TGM6: variants seen among roughly 807,000 people sequenced by gnomAD.
The protein encoded by TGM6 is transglutaminase 6, also known as protein-glutamine gamma-glutamyltransferase 6.
A neutral mutation model predicts 77.5 loss-of-function variants in TGM6; 74 were observed. That is an observed-to-expected ratio of 0.96 (90% CI 0.79 to 1.16). The LOEUF (loss-of-function observed/expected upper bound fraction) is 1.16, where lower values mean the gene tolerates loss of function less well. Ranked by LOEUF, TGM6 falls within the 50% of genes most tolerant of loss-of-function variation. The pLI, the probability that TGM6 is intolerant of heterozygous loss-of-function variation, is 0.00. For synonymous variants in TGM6, 383 were observed against 378.9 expected (o/e 1.01, Z -0.12); for missense variants, 968 against 940.2 (o/e 1.03, Z -0.39).
intron 1 of TGM6, among the ~76,000 whole-genome samples, chr20:2,386,155 G>A (rs1001101981): frequency 6.6e-6 from 1 of 152,168 alleles, no homozygotes; most frequent in African/African-American, 2.4e-5. Flanking sequence ...CTGTCCCCAT[G>A]AGGACTAAGA....
chr20:2,404,437 C>T (rs1247675288), intron 9 of TGM6, among the ~76,000 whole-genome samples: 1 of 152,240 alleles, frequency 6.6e-6, no homozygotes, highest in African/African-American at 2.4e-5. Flanking sequence ...TATTTTCAAC[C>T]ATTTCTGCTT....
intron 9 of TGM6, among the ~76,000 whole-genome samples, chr20:2,406,845 A>AAAC (rs2084755271): frequency 7.4e-6 from 1 of 134,624 alleles, no homozygotes; most frequent in Admixed American, 7.4e-5. Context: ...AAAAAAAAAA[A>AAAC]AAAAAAAAAA....
At chr20:2,428,542 C>T (rs903273935) in intron 10 of TGM6, among the ~76,000 whole-genome samples, 12 of 151,938 alleles carry the variant, frequency 7.9e-5, no homozygotes, top group Admixed American at 6.6e-5. Context: ...CTTGGAGAAC[C>T]GTGGTCTATC....
chr20:2,382,433 C>T (rs1044573475), intron 1 of TGM6, among the ~76,000 whole-genome samples: 4 of 152,284 alleles, frequency 2.6e-5, no homozygotes, highest in African/African-American at 9.6e-5. Context: ...CCTTTGATAA[C>T]CTATCAGACT....
rs542535334 is a variant in TGM6, at chr20:2,402,463, G to A, written c.990-934G>A. On this transcript the variant is annotated intron_variant, in intron 7 of 12. Transcript: ENST00000202625. ...CTTGCCCTGGAAGCACAAAATACTC[G>A]CATTCTTCTCTTTTCTTCATGCAGA... 7.2e-5 allele frequency among the ~76,000 whole-genome samples: 11 copies of A among 152,110 alleles called. No individual in the cohort carries two copies. The South Asian group carries it at 1.0e-3, about 14-fold the overall frequency.
At chr20:2,383,156 G>T (rs1325592574) in intron 1 of TGM6, among the ~76,000 whole-genome samples, 1 of 152,218 alleles carries the variant, frequency 6.6e-6, no homozygotes, top group Non-Finnish European at 1.5e-5. Flanking sequence ...GAGTTCAGGT[G>T]CTCATGATGC....
chr20:2,410,721 G>A (rs1428879496), intron 9 of TGM6, among the ~76,000 whole-genome samples: 1 of 152,068 alleles, frequency 6.6e-6, no homozygotes, highest in East Asian at 1.9e-4. Flanking sequence ...AGACCCAGTT[G>A]GTGTCCAGAG....
chr20:2,430,979 C>T lies in TGM6; in HGVS notation c.1919C>T (p.Ala640Val), dbSNP rs780503855. The change falls in exon 12 of 13, where the codon GCG (alanine) becomes GTG (valine). Residue 640 changes from alanine to valine, a missense_variant. Physicochemically the swap from Ala to Val is moderately conservative, Grantham distance 64. Transcript: ENST00000202625. Reference protein sequence around the residue: ...NPLIERVKDCALMVEGSGLLQ... With the variant: ...NPLIERVKDCVLMVEGSGLLQ... ...CTCATAGAGAGAGTGAAGGACTGTGCGCTGATGGTGGAGGGCAGCGGCCTT... is the reference window on the plus strand; with the variant it reads ...CTCATAGAGAGAGTGAAGGACTGTGTGCTGATGGTGGAGGGCAGCGGCCTT... 39 of 1,613,954 alleles carry T rather than the reference C, an allele frequency of 2.4e-5. No homozygotes were observed. Among genetic ancestry groups the T allele is most frequent in the South Asian group, 1.4e-4 (13 of 91,088 alleles).
At chr20:2,394,216 C>T (rs764212353) in intron 1 of TGM6, among the ~76,000 whole-genome samples, 2 of 152,128 alleles carry the variant, frequency 1.3e-5, no homozygotes, top group Non-Finnish European at 2.9e-5. Context: ...ATTGCTTGAA[C>T]CTGGGAGGCA....
chr20:2,420,558 A>T (rs1356855752), intron 10 of TGM6, among the ~76,000 whole-genome samples: 1 of 152,220 alleles, frequency 6.6e-6, no homozygotes, highest in Non-Finnish European at 1.5e-5. Context: ...ATGTATAATG[A>T]CATGTATCTA....
chr20:2,416,818 T>A (rs1228269629), intron 9 of TGM6, among the ~76,000 whole-genome samples: 1 of 152,190 alleles, frequency 6.6e-6, no homozygotes, highest in Non-Finnish European at 1.5e-5. Flanking sequence ...CTGGTTCAAG[T>A]CCCAGCTCCC....
intron 1 of TGM6, among the ~76,000 whole-genome samples, chr20:2,387,422 C>G (rs2422764): frequency 0.73 from 110,636 of 152,112 alleles, 40,712 homozygotes; most frequent in African/African-American, 0.8. Context: ...TGGTCCTGCA[C>G]AGTGCTCACT....
At chr20:2,417,842 T>G (rs1387351238) in intron 10 of TGM6, among the ~76,000 whole-genome samples, 1 of 152,180 alleles carries the variant, frequency 6.6e-6, no homozygotes, top group African/African-American at 2.4e-5. Context: ...TTCTATTTTT[T>G]TAATTAGAAT....
chr20:2,419,587 A>T (rs543316177), intron 10 of TGM6, among the ~76,000 whole-genome samples: 1 of 152,214 alleles, frequency 6.6e-6, no homozygotes, highest in African/African-American at 2.4e-5. Flanking sequence ...CAAACTGTTA[A>T]TGTATTTTAC....
chr20:2,381,055 G>A (rs1016864700), intron 1 of TGM6, 80 bp downstream of exon 1: 39 of 1,554,024 alleles, frequency 2.5e-5, no homozygotes, highest in Middle Eastern at 1.7e-4. Flanking sequence ...GTGGGATGAC[G>A]TTTGATCATC....
chr20:2,386,631 A>G (rs1194250174), intron 1 of TGM6, among the ~76,000 whole-genome samples: 1 of 152,130 alleles, frequency 6.6e-6, no homozygotes, highest in Non-Finnish European at 1.5e-5. Flanking sequence ...TCCACCAAGA[A>G]TTCGGCCAAG....
chr20:2,388,818 T>C (rs2084612868), intron 1 of TGM6, among the ~76,000 whole-genome samples: 1 of 152,224 alleles, frequency 6.6e-6, no homozygotes, highest in Non-Finnish European at 1.5e-5. Context: ...CAACAATTAC[T>C]GACATTTCCT....
intron 10 of TGM6, among the ~76,000 whole-genome samples, chr20:2,425,467 A>G (rs1481843079): frequency 6.6e-6 from 1 of 152,214 alleles, no homozygotes; most frequent in East Asian, 1.9e-4. Context: ...AAAAAATGCA[A>G]TATCTGCAAA....
chr20:2,400,402 C>G lies in TGM6; in HGVS notation c.947C>G (p.Ser316Cys). Residue 316 changes from serine (S) to cysteine (C), a missense_variant, in exon 7 of 13, where the codon TCC (serine) becomes TGC (cysteine). Physicochemically the swap from Ser to Cys is moderately radical, Grantham distance 112 (BLOSUM62 -1). Coordinates refer to ENST00000202625, the MANE Select transcript of TGM6 (RefSeq NM_198994.3). The part of the protein sequence containing the change: ...QNLSVDKYVD[S>C]FGRTLEDLTE... ...CTGAGTGTGGACAAATACGTGGACTCCTTCGGGCGGACCCTGGAGGACCTG... is the reference window on the plus strand; with the variant it reads ...CTGAGTGTGGACAAATACGTGGACTGCTTCGGGCGGACCCTGGAGGACCTG... 6.2e-7 allele frequency: 1 copy of G among 1,614,222 alleles called. No homozygotes were observed. Among genetic ancestry groups the G allele is most frequent in the Non-Finnish European group, 8.5e-7 (1 of 1,180,052 alleles).
Sources: gnomAD v4.1 joint callset for allele counts (sites outside exome capture counted in the v4.1 genomes callset) on GRCh38, gnomAD v4.1.1 for gene constraint, MANE v1.5 for transcripts, NCBI Gene and HGNC (gene_info 2026-07-23, HGNC 2026-07-21) for gene names.